Variants in PDE2A observed in about 807,000 individuals in gnomAD.
PDE2A encodes phosphodiesterase 2A.
A neutral mutation model predicts 133.6 loss-of-function variants in PDE2A; 53 were observed. The ratio of observed to expected loss-of-function variants is 0.40; its 90% CI spans 0.32 to 0.50. PDE2A has a LOEUF of 0.50. Ranked by LOEUF, PDE2A falls within the 20% of genes least tolerant of loss-of-function variation. The pLI is 0.73. For missense variants in PDE2A, 796 were observed against 1,232.4 expected, an observed-to-expected ratio of 0.65 and a Z score of 5.30; for synonymous variants, 491 against 490.2, an observed-to-expected ratio of 1.00 and a Z score of -0.02.
At chr11:72,626,621 C>A (rs1312141871) in intron 2 of PDE2A, among the ~76,000 whole-genome samples, 6 of 152,226 alleles carry the variant, frequency 3.9e-5, no homozygotes, top group Non-Finnish European at 7.3e-5. Context: ...TACTCGGAGC[C>A]TTCTCCCCTC....
At position 72,674,096 on chromosome 11, in the gene PDE2A, T is replaced by C. The variant is rs563987705; in HGVS notation, c.71+41A>G. 4.4e-6 allele frequency: 7 copies of C among 1,598,242 alleles called. No homozygotes were observed. In the African/African-American group the frequency reaches 6.7e-5, roughly 15 times the overall value. ...CTCCCAGGACCCTGTCTGTGGCACC[T>C]CTCACAGCCGCTCACCACCCCAGCC... On this transcript the variant is annotated intron_variant, in intron 1 of 30. Coordinates refer to ENST00000334456, the MANE Select transcript of PDE2A (RefSeq NM_002599.5).
At chr11:72,615,015 C>T (rs1338997070) in intron 2 of PDE2A, 1 of 441,518 alleles carries the variant, frequency 2.3e-6, no homozygotes, top group Non-Finnish European at 5.0e-6. Context: ...CTCCATGCCC[C>T]CATCCCTCCA....
chr11:72,654,169 G>A (rs980066048), intron 1 of PDE2A, among the ~76,000 whole-genome samples: 1 of 152,116 alleles, frequency 6.6e-6, no homozygotes, highest in Non-Finnish European at 1.5e-5. Context: ...TCGGGGCCCT[G>A]AGGACCCACC....
At position 72,579,626 on chromosome 11, in the gene PDE2A, A is replaced by C. The variant is rs374641595; in HGVS notation, c.2182-18T>G. 6.3e-7 allele frequency: 1 copy of C among 1,587,532 alleles called. No homozygotes were observed. Among genetic ancestry groups the C allele is most frequent in the South Asian group, 1.1e-5 (1 of 89,758 alleles). ...TGGTGCCTCTGGGGGGAGAGGAGTG[A>C]TGGGGGCCCAGCTGGGGCAGATGGG... On this transcript the variant is annotated intron_variant, in intron 25 of 30. Coordinates refer to ENST00000334456, the MANE Select transcript of PDE2A (RefSeq NM_002599.5).
chr11:72,650,022 T>A (rs867470559), intron 1 of PDE2A, among the ~76,000 whole-genome samples: 4,453 of 145,158 alleles, frequency 0.031, 236 homozygotes, highest in African/African-American at 0.11. Context: ...CCTGAGACTT[T>A]TTTTTTTTTT....
chr11:72,594,470 G>T (rs941681013), intron 6 of PDE2A, among the ~76,000 whole-genome samples: 4 of 152,160 alleles, frequency 2.6e-5, no homozygotes, highest in African/African-American at 9.7e-5. Flanking sequence ...CTAGGGAAGT[G>T]CATTTACACA....
At chr11:72,630,902 T>C (rs1476344840) in intron 2 of PDE2A, among the ~76,000 whole-genome samples, 19 of 151,670 alleles carry the variant, frequency 1.3e-4, no homozygotes, top group Non-Finnish European at 2.9e-5. Flanking sequence ...GCTGGGGATA[T>C]ATAGGGTGAG....
intron 6 of PDE2A, among the ~76,000 whole-genome samples, chr11:72,592,356 G>T (rs1856289578): frequency 6.6e-6 from 1 of 152,190 alleles, no homozygotes; most frequent in Non-Finnish European, 1.5e-5. Context: ...GCCAATGCCT[G>T]CCTCAGCTCT....
chr11:72,593,692 G>A (rs1214854863), intron 6 of PDE2A, among the ~76,000 whole-genome samples: 5 of 152,178 alleles, frequency 3.3e-5, no homozygotes, highest in Admixed American at 6.5e-5. Flanking sequence ...CAGAGCCAAA[G>A]ACTTTCCACA....
rs749068107 is a variant in PDE2A, at chr11:72,605,112, C to G, written c.323+26G>C. On this transcript the variant is annotated intron_variant, in intron 4 of 30. Coordinates refer to ENST00000334456, the MANE Select transcript of PDE2A (RefSeq NM_002599.5). ...GAGAATCCTTGGCCATGCAAGAGGG[C>G]AATGGGGGTGCAGAGAATGGCTCAC... 16 of 1,478,262 alleles carry G rather than the reference C, an allele frequency of 1.1e-5. No individual in the cohort carries two copies. In the African/African-American group the frequency reaches 2.1e-4, roughly 19 times the overall value. 91.6% of individuals were successfully genotyped at this position (1,478,262 alleles called of 1,614,324 possible).
At chr11:72,616,766 G>A (rs1857496874) in intron 2 of PDE2A, among the ~76,000 whole-genome samples, 1 of 152,226 alleles carries the variant, frequency 6.6e-6, no homozygotes, top group Non-Finnish European at 1.5e-5. Context: ...TGCAGACCGG[G>A]TGGGGGCAGC....
chr11:72,617,006 G>A (rs1565173280), intron 2 of PDE2A, among the ~76,000 whole-genome samples: 1 of 152,202 alleles, frequency 6.6e-6, no homozygotes, highest in Non-Finnish European at 1.5e-5. Context: ...GATTCACCCA[G>A]GCTCTCATCT....
At chr11:72,647,977 G>C (rs1189882878) in intron 1 of PDE2A, among the ~76,000 whole-genome samples, 1 of 152,226 alleles carries the variant, frequency 6.6e-6, no homozygotes, top group African/African-American at 2.4e-5. Flanking sequence ...GCATGTGTCT[G>C]TGTGCAGAAG....
chr11:72,634,809 C>T (rs1009767943), intron 2 of PDE2A, among the ~76,000 whole-genome samples: 1 of 152,230 alleles, frequency 6.6e-6, no homozygotes, highest in African/African-American at 2.4e-5. Context: ...ACCCTTGGGG[C>T]AAGAACAGGG....
chr11:72,640,954 T>G (rs1453985558), intron 2 of PDE2A, among the ~76,000 whole-genome samples: 1 of 151,794 alleles, frequency 6.6e-6, no homozygotes, highest in Admixed American at 6.6e-5. Context: ...CCACAAATAA[T>G]CCCACTCTCG....
At chr11:72,613,101 A>T (rs1434434854) in intron 2 of PDE2A, among the ~76,000 whole-genome samples, 1 of 152,108 alleles carries the variant, frequency 6.6e-6, no homozygotes, top group East Asian at 1.9e-4. Flanking sequence ...TCGCTGCCAT[A>T]AGATCTTTCC....
At chr11:72,602,536 T>TG (rs1016172085) in intron 4 of PDE2A, among the ~76,000 whole-genome samples, 2 of 152,132 alleles carry the variant, frequency 1.3e-5, no homozygotes, top group African/African-American at 4.8e-5. Flanking sequence ...CTCTCCCTCC[T>TG]GGGGGGACCA....
chr11:72,606,377 C>T (rs1219174369), intron 3 of PDE2A, among the ~76,000 whole-genome samples: 3 of 152,162 alleles, frequency 2.0e-5, no homozygotes, highest in Non-Finnish European at 4.4e-5. Flanking sequence ...GTGTGGAATC[C>T]TTCCCAGAAG....
At chr11:72,582,637 A>G in intron 20 of PDE2A, 71 bp from the exon 21 acceptor site, 1 of 1,462,502 alleles carries the variant, frequency 6.8e-7, no homozygotes, top group Non-Finnish European at 9.3e-7. Flanking sequence ...TCAAATTCCC[A>G]TGGCAGGTGG....
Sources: allele counts gnomAD v4.1 joint callset (sites outside exome capture counted in the v4.1 genomes callset), GRCh38; gene constraint gnomAD v4.1.1; transcripts MANE v1.5; gene names NCBI Gene and HGNC (gene_info 2026-07-23, HGNC 2026-07-21).